The following PKP3 variants were observed in gnomAD, a reference collection of about 807,000 sequenced individuals.
The protein encoded by PKP3 is plakophilin-3.
Under a neutral mutation model 76.5 loss-of-function variants are expected in PKP3, and 66 were observed. The observed-to-expected ratio is 0.86, with a 90% CI of 0.71 to 1.06. The LOEUF (loss-of-function observed/expected upper bound fraction) is 1.06. Ranked by LOEUF, PKP3 falls within the 50% of genes least tolerant of loss-of-function variation. The pLI is 0.00. For missense variants in PKP3, 1,338 were observed against 1,141.0 expected (o/e 1.17, Z -2.49); for synonymous variants, 638 against 516.5 (o/e 1.24, Z -3.19).
In PKP3 at chr11:394,357, T is replaced by C. The variant is rs1847015340; in HGVS notation, c.65T>C (p.Leu22Pro). The change falls in exon 1 of 13, where the codon CTG becomes CCG. Residue 22 changes from leucine (L) to proline (P), a missense_variant. Physicochemically the swap from Leu to Pro is moderately conservative, Grantham distance 98. Coordinates refer to ENST00000331563, the MANE Select transcript of PKP3 (RefSeq NM_007183.4). ...QPEAGVCSLA[L>P]PSDLQLDRRG... is the part of the protein sequence containing the mutation. ...GAGGCCGGCGTGTGCTCCCTGGCGC[T>C]GCCCTCTGACCTGCAGCTGGACCGC... 2 of 1,511,700 alleles carry C rather than the reference T, an allele frequency of 1.3e-6. No homozygotes were observed. Among genetic ancestry groups the C allele is most frequent in the Non-Finnish European group, 8.8e-7 (1 of 1,137,170 alleles). The allele number at this position is 1,511,700 out of a possible 1,614,324, so 93.6% of individuals were successfully genotyped here.
intron 9 of PKP3, 58 bp downstream of exon 9, chr11:403,321 G>T: frequency 1.7e-6 from 2 of 1,143,136 alleles, no homozygotes; most frequent in Non-Finnish European, 2.5e-6. Flanking sequence ...TTGAGGGGGG[G>T]ACAGAGGAGG....
In PKP3 at chr11:404,539, C is replaced by G. The variant is rs1002929758; in HGVS notation, c.2364C>G (p.Gly788=). 1 of 1,612,542 alleles carries G rather than the reference C, an allele frequency of 6.2e-7. No homozygotes were observed. Among genetic ancestry groups the G allele is most frequent in the Non-Finnish European group, 8.5e-7 (1 of 1,179,784 alleles). Residue 788 remains glycine, a synonymous_variant, in exon 13 of 13, where the codon GGC becomes GGG. Coordinates refer to ENST00000331563, the MANE Select transcript of PKP3 (RefSeq NM_007183.4). This position sits in a 1 kb window ranked among gnomAD's most constrained non-coding sequence, Gnocchi z 4.2. ...TGGGCCTCTCTCCACTGTAGAAGGG[C>G]TATCGGAAGGAGGACTTCCTGGGCC... ...NKLHRDFRAK[G]YRKEDFLGP is the part of the protein sequence containing the mutation.
intron 5 of PKP3, 100 bp from the exon 6 acceptor site, chr11:399,867 G>C: frequency 9.9e-7 from 1 of 1,007,418 alleles, no homozygotes; most frequent in Non-Finnish European, 1.5e-6. Context: ...CAGAACACCA[G>C]GCCAGCCCCT....
rs752289690 is a variant in PKP3, at chr11:403,245, C to T, written c.1905C>T (p.Ile635=). Residue 635 remains isoleucine, a synonymous_variant, in exon 9 of 13, where the codon ATC becomes ATT. Transcript: ENST00000331563. ...CGGCCGCCGGGGCGCTGCAGAACAT[C>T]ACGGCAGGCGACCGCAGGGTGGGGC... ...TEAAAGALQN[I]TAGDRRWAGV... The T allele has an allele frequency of 6.3e-7, 1 of 1,582,808 alleles. No individual in the cohort carries two copies. Among genetic ancestry groups the T allele is most frequent in the African/African-American group, 1.3e-5 (1 of 74,256 alleles).
chr11:399,702 C>G (rs1390861131), intron 5 of PKP3, among the ~76,000 whole-genome samples: 1 of 150,230 alleles, frequency 6.7e-6, no homozygotes, highest in African/African-American at 2.5e-5. Context: ...GACCCCCGGC[C>G]ACCCTGTCCT....
rs535250161 is a variant in PKP3, at chr11:397,919, C to G, written c.1068+257C>G. 6.2e-4 allele frequency: 300 copies of G among 481,318 alleles called. 2 individuals carry two copies. Among genetic ancestry groups the G allele is most frequent in the Non-Finnish European group, 4.4e-4 (117 of 264,892 alleles). The allele number at this position is 481,318 out of a possible 1,614,324, so 29.8% of individuals were successfully genotyped here. A position where few individuals can be genotyped will look rare whatever the true frequency, so the allele number is the denominator to read the frequency against. ...ACACCCGCACACACCTGCGTCACCT[C>G]CGTACCCCCACATATACCTCATCAC... On this transcript the variant is annotated intron_variant, in intron 4 of 12. Coordinates refer to ENST00000331563, the MANE Select transcript of PKP3 (RefSeq NM_007183.4).
Position 400,343 on chromosome 11 carries a change from C to T in PKP3, c.1458C>T (p.Ser486=). Residue 486 remains serine (S), a synonymous_variant, in exon 7 of 13, where the codon AGC becomes AGT. Transcript: ENST00000331563. ...CCACCTCGGTCCCCAGGAACCTCAG[C>T]TCAGCCTCTCAGGCCACTCGCCAGA... is the stretch of plus-strand genomic sequence containing the variant. ...YNATGFLRNL[S]SASQATRQKM... is the part of the protein sequence containing the mutation. The T allele has an allele frequency of 6.5e-7, 1 of 1,548,924 alleles. No homozygotes were observed. The highest frequency in any genetic ancestry group is 8.7e-7 in the Non-Finnish European group (1 of 1,146,156).
In PKP3 at chr11:397,591, C is replaced by T. The variant is rs1355008681; in HGVS notation, c.997C>T (p.Pro333Ser). ...AGTCAAGTACCTCATGGCTTCAGAC[C>T]CCAACCTGCAGGTGCTGGGAGCGGC... ...SAVKYLMASD[P>S]NLQVLGAAYI... The change falls in exon 4 of 13, where the codon CCC becomes TCC. Residue 333 changes from proline to serine, a missense_variant. Physicochemically the swap from Pro to Ser is moderately conservative, Grantham distance 74 (BLOSUM62 -1). Coordinates refer to ENST00000331563, the MANE Select transcript of PKP3 (RefSeq NM_007183.4). 1.2e-6 allele frequency: 2 copies of T among 1,611,998 alleles called. No individual in the cohort carries two copies. Among genetic ancestry groups the T allele is most frequent in the African/African-American group, 2.7e-5 (2 of 74,820 alleles).
Position 400,644 on chromosome 11 carries a change from C to G in PKP3, c.1676C>G (p.Ala559Gly). ...RLEGRGRRDLAGAPPGEVVGC... is the reference protein window; with the variant it reads ...RLEGRGRRDLGGAPPGEVVGC... ...GAGGGTCGCGGCCGCAGGGACCTGGCGGGGGCGCCGCCGGGAGAGGTCGTG... is the reference window on the plus strand; with the variant it reads ...GAGGGTCGCGGCCGCAGGGACCTGGGGGGGGCGCCGCCGGGAGAGGTCGTG... Residue 559 changes from alanine (A) to glycine (G), a missense_variant, in exon 8 of 13, where the codon GCG (alanine) becomes GGG (glycine). Coordinates refer to ENST00000331563, the MANE Select transcript of PKP3 (RefSeq NM_007183.4). 7.3e-7 allele frequency: 1 copy of G among 1,371,698 alleles called. No homozygotes were observed. The highest frequency in any genetic ancestry group is 9.3e-7 in the Non-Finnish European group (1 of 1,069,764). 85.0% of individuals were successfully genotyped at this position (1,371,698 alleles called of 1,614,324 possible).
Position 404,520 on chromosome 11 carries a change from TC to T in PKP3, c.2359-13del, listed in dbSNP as rs1321007950. The T allele has an allele frequency of 6.2e-7, 1 of 1,612,070 alleles. No individual in the cohort carries two copies. Among genetic ancestry groups the T allele is most frequent in the Admixed American group, 1.7e-5 (1 of 59,996 alleles). Reference sequence around the variant, plus strand: ...CAGACATGCACCCTGACCTTGGGCCTCTCTCCACTGTAGAAGGGCTATCGGA... The same window carrying T: ...CAGACATGCACCCTGACCTTGGGCCTTCTCCACTGTAGAAGGGCTATCGGA... On this transcript the variant is annotated splice_polypyrimidine_tract_variant and intron_variant, in intron 12 of 12. Transcript: ENST00000331563. This position sits in a 1 kb window ranked among gnomAD's most constrained non-coding sequence, Gnocchi z 4.2.
intron 1 of PKP3, 146 bp from the exon 2 acceptor site, chr11:396,462 A>G: frequency 1.7e-6 from 1 of 575,770 alleles, no homozygotes; most frequent in Non-Finnish European, 3.1e-6. Flanking sequence ...ATGGGGAGGC[A>G]CTGGCCCTGG....
chr11:404,751 G>T lies in PKP3; in HGVS notation c.*182G>T. On this transcript the variant is annotated 3_prime_UTR_variant, in exon 13 of 13. Transcript: ENST00000331563. This position sits in a 1 kb window ranked among gnomAD's most constrained non-coding sequence, Gnocchi z 4.2. ...GGAGGGGCAGGGTCTTATAGCTGGG[G>T]ACTTGGCTTCCGCAGGGCAGGGGGT... 1 of 611,210 alleles carries T rather than the reference G, an allele frequency of 1.6e-6. No individual in the cohort carries two copies. The highest frequency in any genetic ancestry group is 2.9e-6 in the Non-Finnish European group (1 of 344,690). 37.9% of individuals were successfully genotyped at this position (611,210 alleles called of 1,614,324 possible). A position where few individuals can be genotyped will look rare whatever the true frequency, so the allele number is the denominator to read the frequency against.
At position 403,154 on chromosome 11, in the gene PKP3, C is replaced by G; in HGVS notation, c.1814C>G (p.Pro605Arg). The G allele has an allele frequency of 6.3e-7, 1 of 1,583,084 alleles. No homozygotes were observed. The highest frequency in any genetic ancestry group is 8.6e-7 in the Non-Finnish European group (1 of 1,166,584). Reference protein sequence around the residue: ...DPKGLEWLWSPQIVGLYNRLL... With the variant: ...DPKGLEWLWSRQIVGLYNRLL... ...AAGGGCCTCGAGTGGCTGTGGAGCC[C>G]CCAGATCGTGGGGCTGTACAACCGG... Residue 605 changes from proline (P) to arginine (R), a missense_variant, in exon 9 of 13, where the codon CCC (proline) becomes CGC (arginine). By Grantham distance (103) the Pro-to-Arg change is moderately radical (BLOSUM62 -2). Transcript: ENST00000331563.
chr11:399,602 C>T (rs962060634), intron 5 of PKP3, among the ~76,000 whole-genome samples: 1 of 131,394 alleles, frequency 7.6e-6, no homozygotes, highest in Non-Finnish European at 1.6e-5. Context: ...TCCGTTCTGA[C>T]CCCTCCACCT....
In PKP3 at chr11:404,635, G is replaced by A. The variant is rs1397922392; in HGVS notation, c.*66G>A. ...CAAGGGACAGACTCAGCTCCAGGCT[G>A]CTTGGCAGCCCAGCCTGGAGGAGAA... On this transcript the variant is annotated 3_prime_UTR_variant, in exon 13 of 13. Transcript: ENST00000331563. This position sits in a 1 kb window ranked among gnomAD's most constrained non-coding sequence, Gnocchi z 4.2. 7.2e-6 allele frequency: 11 copies of A among 1,519,280 alleles called. 1 individual carries two copies. The highest frequency in any genetic ancestry group is 1.9e-4 in the Middle Eastern group (1 of 5,388). The allele number at this position is 1,519,280 out of a possible 1,614,324, so 94.1% of individuals were successfully genotyped here.
In PKP3 at chr11:399,851, G is replaced by A. The variant is rs142193950; in HGVS notation, c.1274-116G>A. ...GGTCTCCCCAGTGGGGCTCGTGGGTGAGGCACAGAACACCAGGCCAGCCCC... is the reference window on the plus strand; with the variant it reads ...GGTCTCCCCAGTGGGGCTCGTGGGTAAGGCACAGAACACCAGGCCAGCCCC... On this transcript the variant is annotated intron_variant, in intron 5 of 12. Transcript: ENST00000331563. 1.2e-3 allele frequency: 1,011 copies of A among 827,870 alleles called. 9 individuals carry two copies. In the African/African-American group the frequency reaches 0.014, roughly 11 times the overall value. The allele number at this position is 827,870 out of a possible 1,614,324, so 51.3% of individuals were successfully genotyped here. A position where few individuals can be genotyped will look rare whatever the true frequency, so the allele number is the denominator to read the frequency against.
rs1038553321 is a variant in PKP3, at chr11:403,511, G to GC, written c.1924-101dup. The GC allele has an allele frequency of 2.2e-5, 25 of 1,140,922 alleles. No homozygotes were observed. In the Admixed American group the frequency reaches 2.4e-4, roughly 11 times the overall value. The allele number at this position is 1,140,922 out of a possible 1,614,324, so 70.7% of individuals were successfully genotyped here. A position where few individuals can be genotyped will look rare whatever the true frequency, so the allele number is the denominator to read the frequency against. ...CTGGGGGGCAAAGGCAGAAGCAGAG[G>GC]CCCCCCTGAGGGTGGCGAGAGGATG... On this transcript the variant is annotated intron_variant, in intron 9 of 12. Transcript: ENST00000331563.
Position 397,677 on chromosome 11 carries a change from C to T in PKP3, c.1068+15C>T. 6.2e-7 allele frequency: 1 copy of T among 1,607,060 alleles called. No individual in the cohort carries two copies. Among genetic ancestry groups the T allele is most frequent in the Non-Finnish European group, 8.5e-7 (1 of 1,176,560 alleles). ...CCAAGAAGCAGGTGACCACCCCGAC[C>T]ACCCACTCGCTGCCCCCTGGTGACC... On this transcript the variant is annotated intron_variant, in intron 4 of 12. Transcript: ENST00000331563.
rs764699985 is a variant in PKP3 at position 396,860 on chromosome 11, C to T, written c.359C>T (p.Ser120Phe). The change falls in exon 3 of 13, where the codon TCC (serine) becomes TTC (phenylalanine). Residue 120 changes from serine (S) to phenylalanine (F), a missense_variant. Transcript: ENST00000331563. ...AKPAYSPASW[S>F]SRSAVDLSCS... Reference sequence around the variant, plus strand: ...CCGGCCTACAGCCCAGCCTCCTGGTCCTCCCGCTCCGCCGTGGATCTGAGC... The same window carrying T: ...CCGGCCTACAGCCCAGCCTCCTGGTTCTCCCGCTCCGCCGTGGATCTGAGC... The T allele has an allele frequency of 1.6e-5, 25 of 1,600,038 alleles. No individual in the cohort carries two copies. The highest frequency in any genetic ancestry group is 2.1e-5 in the Non-Finnish European group (25 of 1,176,746).
Sources: allele counts gnomAD v4.1 joint callset (sites outside exome capture counted in the v4.1 genomes callset), GRCh38; gene constraint gnomAD v4.1.1; non-coding constraint Gnocchi (gnomAD v3.1); transcripts MANE v1.5; gene names NCBI Gene and HGNC (gene_info 2026-07-23, HGNC 2026-07-21).